Variants in ASAP1 observed in about 807,000 individuals in gnomAD.
ASAP1 encodes arf-GAP with SH3 domain, ANK repeat and PH domain-containing protein 1.
A neutral mutation model predicts 145.2 loss-of-function variants in ASAP1; 43 were observed. The observed-to-expected ratio is 0.30, with a 90% CI of 0.23 to 0.38. The LOEUF (loss-of-function observed/expected upper bound fraction) is 0.38. Ranked by LOEUF, ASAP1 falls within the 10% of genes least tolerant of loss-of-function variation. The pLI, the probability that ASAP1 is intolerant of heterozygous loss-of-function variation, is 1.00. For synonymous variants in ASAP1, 546 were observed against 515.5 expected (o/e 1.06, Z -0.80); for missense variants, 1,018 against 1,355.3 (o/e 0.75, Z 3.91).
At chr8:130,402,118 T>C (rs1828824292) in intron 1 of ASAP1, 148 bp from the exon 2 acceptor site, 4 of 563,836 alleles carry the variant, frequency 7.1e-6, no homozygotes, top group Middle Eastern at 4.5e-4. Context: ...TCCAGAAATA[T>C]GAAGGAAACT....
At chr8:130,126,181 G>A in intron 16 of ASAP1, 92 bp from the exon 17 acceptor site, 5 of 1,202,872 alleles carry the variant, frequency 4.2e-6, no homozygotes, top group Non-Finnish European at 5.7e-6. Context: ...AGTACAAATT[G>A]TTAAGAACTA....
At chr8:130,279,464 A>G (rs1382882966) in intron 3 of ASAP1, among the ~76,000 whole-genome samples, 1 of 152,224 alleles carries the variant, frequency 6.6e-6, no homozygotes, top group African/African-American at 2.4e-5. Flanking sequence ...GAGATAGTTA[A>G]GCATATTTTT....
chr8:130,058,884 G>C (rs560053564), intron 28 of ASAP1, among the ~76,000 whole-genome samples: 1 of 152,192 alleles, frequency 6.6e-6, no homozygotes, highest in Non-Finnish European at 1.5e-5. Flanking sequence ...GTGCGGGTGG[G>C]TTGGAGAAGC....
chr8:130,367,785 C>T (rs886560587), intron 2 of ASAP1, among the ~76,000 whole-genome samples: 6 of 152,142 alleles, frequency 3.9e-5, no homozygotes, highest in East Asian at 3.8e-4. Context: ...TTGGGGCCCC[C>T]GTTAAAGATA....
intron 1 of ASAP1, among the ~76,000 whole-genome samples, chr8:130,441,773 T>C (rs1406372603): frequency 2.0e-5 from 3 of 152,208 alleles, no homozygotes; most frequent in Non-Finnish European, 4.4e-5. Context: ...AATGGCAAGC[T>C]TGCGAAAAGT....
At chr8:130,091,335 A>G (rs1221172158) in intron 25 of ASAP1, among the ~76,000 whole-genome samples, 1 of 152,166 alleles carries the variant, frequency 6.6e-6, no homozygotes, top group African/African-American at 2.4e-5. Flanking sequence ...GGAGATAGAC[A>G]TGCTGGCTGA....
intron 21 of ASAP1, 25 bp from the exon 22 acceptor site, chr8:130,116,770 G>T (rs753037262): frequency 6.2e-7 from 1 of 1,609,416 alleles, no homozygotes; most frequent in Non-Finnish European, 8.5e-7. Context: ...AAATTAATTT[G>T]CATAATTATC....
chr8:130,114,370 T>C (rs961561354), intron 23 of ASAP1, among the ~76,000 whole-genome samples: 3 of 152,186 alleles, frequency 2.0e-5, no homozygotes, highest in African/African-American at 4.8e-5. Context: ...ATTACTTGTG[T>C]ATCTAAACAT....
At chr8:130,173,383 A>G (rs1219164506) in intron 9 of ASAP1, among the ~76,000 whole-genome samples, 1 of 152,154 alleles carries the variant, frequency 6.6e-6, no homozygotes, top group African/African-American at 2.4e-5. Context: ...GAGAGCCACC[A>G]CGACCTGCCA....
At chr8:130,353,343 A>G (rs1477130533) in intron 3 of ASAP1, among the ~76,000 whole-genome samples, 1 of 152,204 alleles carries the variant, frequency 6.6e-6, no homozygotes, top group Non-Finnish European at 1.5e-5. Context: ...ACTCATATCC[A>G]AATCTTCGAA....
chr8:130,213,993 T>A (rs1180069974), intron 5 of ASAP1, among the ~76,000 whole-genome samples: 1 of 152,192 alleles, frequency 6.6e-6, no homozygotes, highest in Non-Finnish European at 1.5e-5. Context: ...ATTCTTCCTG[T>A]CATTTACTTT....
intron 3 of ASAP1, among the ~76,000 whole-genome samples, chr8:130,316,386 T>C (rs1322385644): frequency 6.6e-6 from 1 of 152,252 alleles, no homozygotes; most frequent in Non-Finnish European, 1.5e-5. Context: ...GTATTCCTGA[T>C]GTGGCCTTGT....
chr8:130,074,716 G>C (rs187201674), intron 27 of ASAP1, among the ~76,000 whole-genome samples: 379 of 152,302 alleles, frequency 2.5e-3, no homozygotes, highest in Non-Finnish European at 4.0e-3. Context: ...GGACTCCTGT[G>C]CTGACTCAAT....
intron 3 of ASAP1, among the ~76,000 whole-genome samples, chr8:130,301,065 AGAT>A (rs1230557418): frequency 1.3e-5 from 2 of 152,272 alleles, no homozygotes; most frequent in African/African-American, 4.8e-5. Context: ...GCATTTAAGG[AGAT>A]GATGCCAAAA....
intron 3 of ASAP1, among the ~76,000 whole-genome samples, chr8:130,355,825 A>G (rs1215069939): frequency 1.3e-5 from 2 of 152,226 alleles, no homozygotes; most frequent in Non-Finnish European, 2.9e-5. Flanking sequence ...CACTCAAGAG[A>G]GTGCAACCTC....
intron 3 of ASAP1, among the ~76,000 whole-genome samples, chr8:130,270,125 G>C (rs893896590): frequency 6.6e-6 from 1 of 152,196 alleles, no homozygotes; most frequent in Admixed American, 6.5e-5. Context: ...AGCTGAGATC[G>C]TGCCACTGCA....
At chr8:130,143,407 GTC>G (rs1484080350) in intron 13 of ASAP1, among the ~76,000 whole-genome samples, 2 of 125,986 alleles carry the variant, frequency 1.6e-5, no homozygotes, top group Non-Finnish European at 3.5e-5. Flanking sequence ...TGTGTGAGAT[GTC>G]TGTTTTTTTT....
At chr8:130,152,124 C>A (rs1185692839) in intron 13 of ASAP1, among the ~76,000 whole-genome samples, 1 of 152,194 alleles carries the variant, frequency 6.6e-6, no homozygotes, top group Non-Finnish European at 1.5e-5. Context: ...GCTGGCAATT[C>A]ATTGAGCAGT....
chr8:130,222,319 T>C (rs1426610917), intron 4 of ASAP1, among the ~76,000 whole-genome samples: 1 of 152,224 alleles, frequency 6.6e-6, no homozygotes, highest in Non-Finnish European at 1.5e-5. Flanking sequence ...CTGGACTGCC[T>C]GCCAACCTAA....
Sources: allele counts gnomAD v4.1 joint callset (sites outside exome capture counted in the v4.1 genomes callset), GRCh38; gene constraint gnomAD v4.1.1; transcripts MANE v1.5; gene names NCBI Gene and HGNC (gene_info 2026-07-23, HGNC 2026-07-21).